Variants in ANO2 observed in about 807,000 individuals in gnomAD.
ANO2 encodes anoctamin 2, also known as anoctamin-2.
ANO2 carries 101 observed loss-of-function variants against 124.2 expected under a neutral mutation model. That is an observed-to-expected ratio of 0.81 (90% CI 0.69 to 0.96). ANO2 has a LOEUF of 0.96. ANO2 is among the 40% of genes least tolerant of loss of function. The pLI, the probability that ANO2 is intolerant of heterozygous loss-of-function variation, is 0.00. For synonymous variants in ANO2, 486 were observed against 482.5 expected, an observed-to-expected ratio of 1.01 and a Z score of -0.09; for missense variants, 1,293 against 1,274.5, an observed-to-expected ratio of 1.01 and a Z score of -0.22.
chr12:5,658,964 T>A lies in ANO2; in HGVS notation c.1546-11163A>T, dbSNP rs1947315146. ...CCACCAGGGACCCTGTGGCCCCAAC[T>A]GATAAGGAAACCCAGTTAATTATGG... On this transcript the variant is annotated intron_variant, in intron 14 of 24. Coordinates refer to ENST00000682330, the MANE Select transcript of ANO2 (RefSeq NM_001364791.2). The surrounding 1 kb of genome is among the most constrained non-coding windows in gnomAD (Gnocchi z 4.3). 6.6e-6 allele frequency among the ~76,000 whole-genome samples: 1 copy of A among 152,182 alleles called. No homozygotes were observed. The highest frequency in any genetic ancestry group is 1.5e-5 in the Non-Finnish European group (1 of 68,038).
At chr12:5,913,773 C>T (rs35241502) in intron 3 of ANO2, among the ~76,000 whole-genome samples, 7,017 of 152,236 alleles carry the variant, frequency 0.046, 523 homozygotes, top group African/African-American at 0.16. Context: ...CAAAACCACA[C>T]GTGATGAGGC....
intron 3 of ANO2, among the ~76,000 whole-genome samples, chr12:5,920,661 C>G (rs149456417): frequency 6.6e-6 from 1 of 151,998 alleles, no homozygotes. Flanking sequence ...GTCGGGAGAT[C>G]GAGACCATCC....
At chr12:5,608,393 T>C (rs1944321286) in intron 19 of ANO2, among the ~76,000 whole-genome samples, 1 of 151,902 alleles carries the variant, frequency 6.6e-6, no homozygotes, top group Non-Finnish European at 1.5e-5. Flanking sequence ...ATTTTTGTTC[T>C]ACATCCTTGA....
At chr12:5,855,056 A>C (rs962358351) in intron 3 of ANO2, among the ~76,000 whole-genome samples, 5 of 152,212 alleles carry the variant, frequency 3.3e-5, no homozygotes, top group African/African-American at 1.2e-4. Context: ...AACTGGCAGA[A>C]GTCTCATTAT....
intron 10 of ANO2, among the ~76,000 whole-genome samples, chr12:5,782,333 A>C (rs1286435951): frequency 6.6e-6 from 1 of 152,212 alleles, no homozygotes; most frequent in African/African-American, 2.4e-5. Flanking sequence ...GTATATTTAA[A>C]GTGTGTTTCT....
At chr12:5,857,349 C>T (rs1327468485) in intron 3 of ANO2, among the ~76,000 whole-genome samples, 1 of 152,112 alleles carries the variant, frequency 6.6e-6, no homozygotes, top group African/African-American at 2.4e-5. Flanking sequence ...GTGCAGGTAT[C>T]CCCTTGATAT....
intron 3 of ANO2, among the ~76,000 whole-genome samples, chr12:5,905,692 T>C (rs1470758616): frequency 2.0e-5 from 3 of 152,126 alleles, no homozygotes; most frequent in Non-Finnish European, 4.4e-5. Context: ...AAAGTAATCA[T>C]TATGACCTTG....
At chr12:5,880,353 T>C (rs1938398588) in intron 3 of ANO2, among the ~76,000 whole-genome samples, 1 of 151,376 alleles carries the variant, frequency 6.6e-6, no homozygotes, top group African/African-American at 2.4e-5. Flanking sequence ...TCGTAGGTAG[T>C]TAGATAGTAA....
At chr12:5,578,124 C>T in intron 21 of ANO2, 117 bp from the exon 22 acceptor site, 1 of 1,344,236 alleles carries the variant, frequency 7.4e-7, no homozygotes, top group Non-Finnish European at 1.0e-6. Flanking sequence ...GCTGGGCCCC[C>T]CCAGAATGGG....
chr12:5,670,211 A>C (rs1444092622), intron 14 of ANO2, among the ~76,000 whole-genome samples: 1 of 152,236 alleles, frequency 6.6e-6, no homozygotes, highest in African/African-American at 2.4e-5. Flanking sequence ...GGCAGTGAGA[A>C]ATATTGTACC....
chr12:5,804,864 G>T (rs1449835018), intron 9 of ANO2, among the ~76,000 whole-genome samples: 3 of 152,026 alleles, frequency 2.0e-5, no homozygotes, highest in East Asian at 3.9e-4. Context: ...ACAGGCTGGG[G>T]TCACCACCTG....
At chr12:5,666,768 C>T (rs1947748195) in intron 14 of ANO2, among the ~76,000 whole-genome samples, 1 of 136,406 alleles carries the variant, frequency 7.3e-6, no homozygotes, top group South Asian at 3.0e-4. Flanking sequence ...GCAGCTGGCC[C>T]CCCCACCCAC....
intron 20 of ANO2, chr12:5,583,947 C>A: frequency 4.4e-6 from 1 of 227,878 alleles, no homozygotes; most frequent in Non-Finnish European, 9.7e-6. Context: ...CAGCTTCATC[C>A]TGAAGGCACG....
At chr12:5,884,297 G>A (rs1005024483) in intron 3 of ANO2, among the ~76,000 whole-genome samples, 11 of 152,336 alleles carry the variant, frequency 7.2e-5, no homozygotes, top group South Asian at 6.2e-4. Context: ...GGCAGCTTCA[G>A]TTTCAGAGGT....
chr12:5,700,696 A>T (rs972263820), intron 14 of ANO2, among the ~76,000 whole-genome samples: 4 of 152,182 alleles, frequency 2.6e-5, no homozygotes, highest in Non-Finnish European at 5.9e-5. Flanking sequence ...CACCAGCAAG[A>T]CTAATAAAGA....
chr12:5,866,589 T>C (rs1955433275), intron 3 of ANO2, among the ~76,000 whole-genome samples: 1 of 152,192 alleles, frequency 6.6e-6, no homozygotes, highest in Non-Finnish European at 1.5e-5. Flanking sequence ...GACCACTACA[T>C]GATGAGATTT....
At chr12:5,676,484 C>T (rs897364737) in intron 14 of ANO2, among the ~76,000 whole-genome samples, 2 of 152,096 alleles carry the variant, frequency 1.3e-5, no homozygotes, top group South Asian at 2.1e-4. Flanking sequence ...TTTATTTACA[C>T]CCACAAGCAC....
rs370683212 is a variant in ANO2, at chr12:5,787,580, G to A, written c.1055+11927C>T. ...TAATGAGGATGATAGTATCGATCTC[G>A]ACGGGGTGTTGTGAGTTAGCAAATG... On this transcript the variant is annotated intron_variant, in intron 10 of 24. Coordinates refer to ENST00000682330, the MANE Select transcript of ANO2 (RefSeq NM_001364791.2). This position sits in a 1 kb window ranked among gnomAD's most constrained non-coding sequence, Gnocchi z 4.2. 5.9e-5 allele frequency among the ~76,000 whole-genome samples: 9 copies of A among 152,286 alleles called. No individual in the cohort carries two copies. The South Asian group carries it at 8.3e-4, about 14-fold the overall frequency.
At chr12:5,580,491 C>G (rs192527046) in intron 20 of ANO2, among the ~76,000 whole-genome samples, 4 of 152,246 alleles carry the variant, frequency 2.6e-5, no homozygotes, top group African/African-American at 9.6e-5. Context: ...TTTGGCCAAG[C>G]CTGTTTGTTT....
Sources: gnomAD v4.1 joint callset for allele counts (sites outside exome capture counted in the v4.1 genomes callset) on GRCh38, gnomAD v4.1.1 for gene constraint, Gnocchi (gnomAD v3.1) non-coding constraint, MANE v1.5 for transcripts, NCBI Gene and HGNC (gene_info 2026-07-23, HGNC 2026-07-21) for gene names.